The following ALPK1 variants were observed in gnomAD, a reference collection of about 807,000 sequenced individuals.
The protein encoded by ALPK1 is alpha kinase 1.
A neutral mutation model predicts 120.6 loss-of-function variants in ALPK1; 110 were observed. That is an observed-to-expected ratio of 0.91 (90% CI 0.78 to 1.07). The LOEUF is 1.07. Ranked by LOEUF, ALPK1 falls within the 50% of genes least tolerant of loss-of-function variation. The probability of loss-of-function intolerance (pLI) is 0.00; values close to 1 mark genes in which losing one functional copy is unlikely to be tolerated. For synonymous variants in ALPK1, 582 were observed against 560.3 expected, an observed-to-expected ratio of 1.04 and a Z score of -0.55; for missense variants, 1,498 against 1,483.9, an observed-to-expected ratio of 1.01 and a Z score of -0.16.
chr4:112,412,384 AT>A, intron 5 of ALPK1: 1 of 477,016 alleles, frequency 2.1e-6, no homozygotes, highest in Non-Finnish European at 4.1e-6. Flanking sequence ...GAATTCTACT[AT>A]TTTCTCTTCG....
At chr4:112,306,476 G>C (rs1728064880) in intron 1 of ALPK1, among the ~76,000 whole-genome samples, 1 of 151,998 alleles carries the variant, frequency 6.6e-6, no homozygotes, top group South Asian at 2.1e-4. Context: ...GTTTAATCTT[G>C]GGAGGGTGTA....
At position 112,367,509 on chromosome 4, in the gene ALPK1, G is replaced by A. The variant is rs536484630; in HGVS notation, c.-100-10169G>A. Among the ~76,000 whole-genome samples, 472 of 152,090 alleles carry A rather than the reference G, an allele frequency of 3.1e-3. 3 individuals are homozygous for A. The highest frequency in any genetic ancestry group is 5.1e-3 in the Non-Finnish European group (345 of 67,978). ...ACAGCATAACAACTATTTACATTAGGTATCATAAGTAATCTAGAGATGATT... is the reference window on the plus strand; with the variant it reads ...ACAGCATAACAACTATTTACATTAGATATCATAAGTAATCTAGAGATGATT... On this transcript the variant is annotated intron_variant, in intron 2 of 15. Transcript: ENST00000650871.
chr4:112,435,197 G>A lies in ALPK1; in HGVS notation c.3084G>A (p.Gln1028=). Residue 1028 remains glutamine (Q), a synonymous_variant, in exon 12 of 16, where the codon CAG becomes CAA. Coordinates refer to ENST00000650871, the MANE Select transcript of ALPK1 (RefSeq NM_025144.4). ...YSKKSELWTA[Q]ETIVYLGDYL... Reference sequence around the variant, plus strand: ...AAAAATCTGAACTGTGGACGGCCCAGGAAACTATTGTCTATTTGGGGGACT... The same window carrying A: ...AAAAATCTGAACTGTGGACGGCCCAAGAAACTATTGTCTATTTGGGGGACT... 6.2e-7 allele frequency: 1 copy of A among 1,613,062 alleles called. No individual in the cohort carries two copies. Among genetic ancestry groups the A allele is most frequent in the Non-Finnish European group, 8.5e-7 (1 of 1,179,732 alleles).
chr4:112,330,738 T>C (rs1274598512), intron 2 of ALPK1, among the ~76,000 whole-genome samples: 1 of 152,184 alleles, frequency 6.6e-6, no homozygotes, highest in Non-Finnish European at 1.5e-5. Flanking sequence ...TGTAATAGAT[T>C]ATTGCTTTGC....
chr4:112,423,628 A>G (rs991784930), intron 5 of ALPK1: 1 of 468,004 alleles, frequency 2.1e-6, no homozygotes, highest in African/African-American at 2.0e-5. Context: ...TTTCACAGGG[A>G]GGCGGCACAG....
intron 4 of ALPK1, among the ~76,000 whole-genome samples, chr4:112,386,337 C>T (rs1388417762): frequency 1.3e-5 from 2 of 152,200 alleles, no homozygotes; most frequent in Non-Finnish European, 2.9e-5. Flanking sequence ...TGTCCGCGCT[C>T]TCCCAGAAAA....
intron 1 of ALPK1, among the ~76,000 whole-genome samples, chr4:112,315,573 C>T (rs1728600021): frequency 6.6e-6 from 1 of 152,262 alleles, no homozygotes; most frequent in South Asian, 2.1e-4. Flanking sequence ...TCTGGTCTCC[C>T]TTGATGTAAC....
chr4:112,376,485 A>G (rs191830164), intron 2 of ALPK1, among the ~76,000 whole-genome samples: 3 of 152,342 alleles, frequency 2.0e-5, no homozygotes, highest in Admixed American at 2.0e-4. Flanking sequence ...AATTTAGATT[A>G]CACAGTTAGC....
chr4:112,440,501 G>A (rs1238072114), intron 14 of ALPK1, among the ~76,000 whole-genome samples: 3 of 146,424 alleles, frequency 2.0e-5, no homozygotes, highest in Non-Finnish European at 4.6e-5. Flanking sequence ...GTTTTGTAGA[G>A]TGTCTGCACT....
intron 3 of ALPK1, among the ~76,000 whole-genome samples, chr4:112,378,885 A>G (rs181326187): frequency 1.3e-5 from 2 of 152,344 alleles, no homozygotes; most frequent in East Asian, 1.9e-4. Flanking sequence ...CCTCCTTTCA[A>G]GATAAAAATC....
intron 7 of ALPK1, chr4:112,426,090 C>T (rs1378674284): frequency 3.4e-5 from 7 of 207,724 alleles, no homozygotes; most frequent in Admixed American, 1.1e-4. Context: ...ACACTGTTTT[C>T]GTTCATTCCT....
At chr4:112,359,271 G>T (rs1430726883) in intron 2 of ALPK1, 3 of 508,690 alleles carry the variant, frequency 5.9e-6, no homozygotes, top group Admixed American at 3.0e-5. Flanking sequence ...TGCCATGAGC[G>T]CCTACCTGGA....
rs559927546 is a variant in ALPK1 at position 112,425,832 on chromosome 4, T to C, written c.622+81T>C. The C allele has an allele frequency of 2.5e-6, 3 of 1,187,154 alleles. No individual in the cohort carries two copies. In the African/African-American group the frequency reaches 4.6e-5, roughly 18 times the overall value. 73.5% of individuals were successfully genotyped at this position (1,187,154 alleles called of 1,614,324 possible). On this transcript the variant is annotated intron_variant, in intron 7 of 15. Transcript: ENST00000650871. ...TGGTTTCACTGTGGAATTTTCTTCT[T>C]TTATCAGGCTAAAATTGTTAATTTC...
intron 2 of ALPK1, among the ~76,000 whole-genome samples, chr4:112,338,524 A>G (rs1298923811): frequency 6.6e-6 from 1 of 152,226 alleles, no homozygotes; most frequent in African/African-American, 2.4e-5. Flanking sequence ...GACAATCGAA[A>G]AAAATATATG....
chr4:112,349,515 T>A (rs1730238416), intron 2 of ALPK1, among the ~76,000 whole-genome samples: 1 of 151,618 alleles, frequency 6.6e-6, no homozygotes, highest in Non-Finnish European at 1.5e-5. Context: ...CTTATAAAAC[T>A]GTGAGATTGA....
intron 2 of ALPK1, chr4:112,358,530 G>A (rs1730756453): frequency 1.5e-6 from 1 of 683,348 alleles, no homozygotes. Context: ...GACCCGGAGG[G>A]CAGCCTGTAT....
intron 14 of ALPK1, 103 bp from the exon 15 acceptor site, chr4:112,440,812 AGT>A (rs71595596): frequency 0.019 from 23,925 of 1,281,956 alleles, 10 homozygotes; most frequent in Middle Eastern, 0.023. Context: ...TATCTCTTTA[AGT>A]GTGTGTGTGT....
chr4:112,310,292 A>G (rs1728336492), intron 1 of ALPK1, among the ~76,000 whole-genome samples: 1 of 152,098 alleles, frequency 6.6e-6, no homozygotes, highest in African/African-American at 2.4e-5. Context: ...ATATAATAAC[A>G]CCTACTCAAC....
intron 2 of ALPK1, among the ~76,000 whole-genome samples, chr4:112,337,844 T>C (rs1729686818): frequency 6.6e-6 from 1 of 152,236 alleles, no homozygotes; most frequent in African/African-American, 2.4e-5. Flanking sequence ...AAGCATCTCT[T>C]AAGCCTACTA....
Sources: gnomAD v4.1 joint callset for allele counts (sites outside exome capture counted in the v4.1 genomes callset) on GRCh38, gnomAD v4.1.1 for gene constraint, MANE v1.5 for transcripts, NCBI Gene and HGNC (gene_info 2026-07-23, HGNC 2026-07-21) for gene names.